MEGF9: variants seen among roughly 807,000 people sequenced by gnomAD.
The protein encoded by MEGF9 is multiple epidermal growth factor-like domains protein 9.
In MEGF9, 6 loss-of-function variants were observed where a neutral mutation model predicts 46.8. The ratio of observed to expected loss-of-function variants is 0.13; its 90% CI spans 0.07 to 0.25. MEGF9 has a LOEUF of 0.25. MEGF9 is among the 10% of genes least tolerant of loss of function. The pLI, the probability that MEGF9 is intolerant of heterozygous loss-of-function variation, is 1.00. For synonymous variants in MEGF9, 302 were observed against 330.7 expected (o/e 0.91, Z 0.94); for missense variants, 683 against 792.4 (o/e 0.86, Z 1.66).
At chr9:120,681,584 G>C (rs2043798929) in intron 1 of MEGF9, among the ~76,000 whole-genome samples, 1 of 150,288 alleles carries the variant, frequency 6.7e-6, no homozygotes. Flanking sequence ...AAAAAAAAAA[G>C]AATGCATTTG....
In MEGF9 at chr9:120,605,576, C is replaced by A. The variant is rs1310434548; in HGVS notation, c.1423G>T (p.Val475Leu). ...GTACTATTTATAACAGGGGTGGGCA[C>A]TGATGTGGTCAAAGAGGCATTGGAA... ...LVSNASLTTSVPTPVINSTFT... is the reference protein window; with the variant it reads ...LVSNASLTTSLPTPVINSTFT... The change falls in exon 6 of 6, where the codon GTG becomes TTG. Residue 475 changes from valine to leucine, a missense_variant. By Grantham distance (32) the Val-to-Leu change is conservative (BLOSUM62 1). Coordinates refer to ENST00000373930, the MANE Select transcript of MEGF9 (RefSeq NM_001080497.3). The surrounding 1 kb of genome is among the most constrained non-coding windows in gnomAD (Gnocchi z 4.0). 1 of 1,605,864 alleles carries A rather than the reference C, an allele frequency of 6.2e-7. No homozygotes were observed. The highest frequency in any genetic ancestry group is 1.7e-5 in the Admixed American group (1 of 58,192).
intron 2 of MEGF9, among the ~76,000 whole-genome samples, chr9:120,654,868 A>T (rs777570952): frequency 1.3e-5 from 2 of 152,242 alleles, no homozygotes; most frequent in Non-Finnish European, 2.9e-5. Flanking sequence ...TTTACGTCGT[A>T]GTTTTTAACA....
intron 2 of MEGF9, 36 bp downstream of exon 2, chr9:120,659,338 A>G: frequency 6.3e-7 from 1 of 1,582,678 alleles, no homozygotes; most frequent in Non-Finnish European, 8.6e-7. Context: ...CCTTGCTAAA[A>G]TAAAATAAAC....
At chr9:120,669,447 A>C (rs2043739188) in intron 1 of MEGF9, among the ~76,000 whole-genome samples, 1 of 152,196 alleles carries the variant, frequency 6.6e-6, no homozygotes, top group East Asian at 1.9e-4. Flanking sequence ...CAAAAGACAT[A>C]AAACAGAATT....
chr9:120,663,126 A>G (rs1338582315), intron 1 of MEGF9, among the ~76,000 whole-genome samples: 1 of 152,192 alleles, frequency 6.6e-6, no homozygotes, highest in Non-Finnish European at 1.5e-5. Context: ...GGGCTGACAC[A>G]TCAAGACAGA....
intron 1 of MEGF9, among the ~76,000 whole-genome samples, chr9:120,693,140 G>A (rs1453534587): frequency 6.6e-6 from 1 of 152,058 alleles, no homozygotes; most frequent in Non-Finnish European, 1.5e-5. Flanking sequence ...ATTGACAAAA[G>A]CACACCCTTT....
chr9:120,607,628 C>T, intron 5 of MEGF9, 113 bp downstream of exon 5: 1 of 1,156,032 alleles, frequency 8.7e-7, no homozygotes, highest in Non-Finnish European at 1.2e-6. Context: ...AAATATCTAT[C>T]AAAATCTATT....
intron 1 of MEGF9, among the ~76,000 whole-genome samples, chr9:120,689,268 C>T: frequency 6.6e-6 from 1 of 151,916 alleles, no homozygotes; most frequent in East Asian, 1.9e-4. Flanking sequence ...AGGAGTATCC[C>T]CAAGGCAAGG....
At chr9:120,614,909 C>G (rs548310272) in intron 3 of MEGF9, among the ~76,000 whole-genome samples, 13 of 151,854 alleles carry the variant, frequency 8.6e-5, no homozygotes, top group Non-Finnish European at 1.6e-4. Context: ...TGTTGCTACC[C>G]TTTATATACA....
chr9:120,610,725 A>G (rs956588980), intron 4 of MEGF9, among the ~76,000 whole-genome samples: 1 of 152,192 alleles, frequency 6.6e-6, no homozygotes, highest in Non-Finnish European at 1.5e-5. Flanking sequence ...CTTGAGGGAC[A>G]GGATAATTTC....
chr9:120,659,509 T>A lies in MEGF9; in HGVS notation c.668A>T (p.Gln223Leu). The change falls in exon 2 of 6, where the codon CAG becomes CTG. Residue 223 changes from glutamine to leucine, a missense_variant. Gln to Leu is a moderately radical substitution (Grantham distance 113). Transcript: ENST00000373930. Reference sequence around the variant, plus strand: ...CTGATAACCTGGCCGACACTCACACTGCCCTGTGGTCTGGTTGCAGCGATT... The same window carrying A: ...CTGATAACCTGGCCGACACTCACACAGCCCTGTGGTCTGGTTGCAGCGATT... ...NVNRCNQTTG[Q>L]CECRPGYQGL... The A allele has an allele frequency of 6.2e-7, 1 of 1,613,794 alleles. No homozygotes were observed. The highest frequency in any genetic ancestry group is 8.5e-7 in the Non-Finnish European group (1 of 1,179,816).
intron 2 of MEGF9, among the ~76,000 whole-genome samples, chr9:120,623,226 T>C (rs1169837501): frequency 2.0e-5 from 3 of 152,180 alleles, no homozygotes; most frequent in African/African-American, 4.8e-5. Flanking sequence ...ACTCCTAAGA[T>C]TGACTCTAAA....
Position 120,605,195 on chromosome 9 carries a change from C to A in MEGF9, c.1804G>T (p.Ala602Ser). 6.2e-7 allele frequency: 1 copy of A among 1,611,894 alleles called. No homozygotes were observed. Among genetic ancestry groups the A allele is most frequent in the Non-Finnish European group, 8.5e-7 (1 of 1,178,734 alleles). ...TTCAGAACAGTTCTAGCTCCTTAGG[C>A]TTTGTAGTTATGTATGGGCGTCGTC... is the stretch of plus-strand genomic sequence containing the variant. ...TLTTPIHNYKA is the reference protein window; with the variant it reads ...TLTTPIHNYKS The change falls in exon 6 of 6, where the codon GCC (alanine) becomes TCC (serine). Residue 602 changes from alanine (A) to serine (S), a missense_variant. Around this residue, in one of 2 missense-constraint regions of MEGF9, gnomAD observed 313 missense variants for 421.1 expected, o/e 0.74. Transcript: ENST00000373930. The surrounding 1 kb of genome is among the most constrained non-coding windows in gnomAD (Gnocchi z 4.0).
At chr9:120,620,503 A>G (rs1587975466) in intron 3 of MEGF9, among the ~76,000 whole-genome samples, 1 of 152,384 alleles carries the variant, frequency 6.6e-6, no homozygotes. Flanking sequence ...ATAAATATAC[A>G]ATTACAAACT....
intron 1 of MEGF9, among the ~76,000 whole-genome samples, chr9:120,691,879 A>G (rs1336399092): frequency 1.3e-5 from 2 of 152,194 alleles, no homozygotes; most frequent in African/African-American, 4.8e-5. Context: ...TTCAGGCTCA[A>G]AAGTACATAT....
intron 1 of MEGF9, among the ~76,000 whole-genome samples, chr9:120,670,769 TC>T (rs770054205): frequency 5.2e-4 from 79 of 152,204 alleles, no homozygotes; most frequent in Non-Finnish European, 1.0e-3. Flanking sequence ...TCACATCCTC[TC>T]CCAGAGCTCT....
At position 120,607,735 on chromosome 9, in the gene MEGF9, T is replaced by G; in HGVS notation, c.1357+6A>C. ...TAAATTTACAATCACTTAGGTGAAG[T>G]TTTACCTTTCTTGATGCAATTTCCC... On this transcript the variant is annotated splice_donor_region_variant and intron_variant, in intron 5 of 5. Transcript: ENST00000373930. 1 of 1,608,184 alleles carries G rather than the reference T, an allele frequency of 6.2e-7. No homozygotes were observed. Among genetic ancestry groups the G allele is most frequent in the South Asian group, 1.1e-5 (1 of 91,022 alleles).
intron 1 of MEGF9, among the ~76,000 whole-genome samples, chr9:120,675,265 C>T (rs146243234): frequency 3.3e-5 from 5 of 152,240 alleles, no homozygotes; most frequent in East Asian, 3.9e-4. Context: ...TATTTTTACA[C>T]GTCAGAATCT....
At chr9:120,614,042 G>A (rs1040034738) in intron 3 of MEGF9, among the ~76,000 whole-genome samples, 9 of 150,346 alleles carry the variant, frequency 6.0e-5, no homozygotes, top group South Asian at 2.1e-4. Flanking sequence ...CTTTTGAGAC[G>A]GAGATCACTC....
Sources: allele counts gnomAD v4.1 joint callset (sites outside exome capture counted in the v4.1 genomes callset), GRCh38; gene constraint gnomAD v4.1.1; regional missense constraint gnomAD v4.1.1; non-coding constraint Gnocchi (gnomAD v3.1); transcripts MANE v1.5; gene names NCBI Gene and HGNC (gene_info 2026-07-23, HGNC 2026-07-21).